The following RHOBTB3 variants were observed in gnomAD, a reference collection of about 807,000 sequenced individuals.
RHOBTB3 encodes the protein Rho related BTB domain containing 3.
A neutral mutation model predicts 67.2 loss-of-function variants in RHOBTB3; 47 were observed. The ratio of observed to expected loss-of-function variants is 0.70; its 90% confidence interval spans 0.55 to 0.89. The LOEUF (loss-of-function observed/expected upper bound fraction) is 0.89, where lower values mean the gene tolerates loss of function less well. Ranked by LOEUF, RHOBTB3 falls within the 40% of genes least tolerant of loss-of-function variation. RHOBTB3 has a pLI of 0.00. For synonymous variants in RHOBTB3, 273 were observed against 274.2 expected, an observed-to-expected ratio of 1.00 and a Z score of 0.04; for missense variants, 631 against 750.0, an observed-to-expected ratio of 0.84 and a Z score of 1.85.
At chr5:95,721,196 G>A (rs1025381180) in intron 1 of RHOBTB3, among the ~76,000 whole-genome samples, 1 of 152,242 alleles carries the variant, frequency 6.6e-6, no homozygotes, top group South Asian at 2.1e-4. Context: ...GATGGGAATA[G>A]TGGAGGCTTT....
chr5:95,719,008 T>C (rs1754777843), intron 1 of RHOBTB3, among the ~76,000 whole-genome samples: 1 of 152,014 alleles, frequency 6.6e-6, no homozygotes, highest in African/African-American at 2.4e-5. Flanking sequence ...GATTTGCCCA[T>C]GGTAAGGAGG....
chr5:95,783,700 GTTTT>G, intron 9 of RHOBTB3, 93 bp from the exon 10 acceptor site: 1 of 1,037,640 alleles, frequency 9.6e-7, no homozygotes, highest in Non-Finnish European at 1.4e-6. Flanking sequence ...CGGTCAGCAT[GTTTT>G]TTTAATTGTT....
rs181463450 is a variant in RHOBTB3 at position 95,773,528 on chromosome 5, T to C, written c.1282+5362T>C. Among the ~76,000 whole-genome samples the C allele has an allele frequency of 5.3e-5, 8 of 152,332 alleles. No individual in the cohort carries two copies. In the East Asian group the frequency reaches 9.6e-4, roughly 18 times the overall value. ...CAGTTCCAGCCTTGGCTTTGCGTCT[T>C]GACCAGTGTGTCTGTGGGCAAGTCA... On this transcript the variant is annotated intron_variant, in intron 8 of 11. Transcript: ENST00000379982.
intron 2 of RHOBTB3, among the ~76,000 whole-genome samples, chr5:95,735,117 T>C (rs1755421783): frequency 6.6e-6 from 1 of 152,216 alleles, no homozygotes. Flanking sequence ...GAATGAGCTG[T>C]GTGGTTTGGG....
intron 3 of RHOBTB3, among the ~76,000 whole-genome samples, chr5:95,738,225 C>T (rs1755500697): frequency 6.6e-6 from 1 of 152,126 alleles, no homozygotes; most frequent in African/African-American, 2.4e-5. Flanking sequence ...GCATGACCTA[C>T]CCGTGACCCC....
At position 95,793,339 on chromosome 5, in the gene RHOBTB3, G is replaced by T. The variant is rs1208350229; in HGVS notation, c.*165G>T. 2 of 498,644 alleles carry T rather than the reference G, an allele frequency of 4.0e-6. No homozygotes were observed. The highest frequency in any genetic ancestry group is 7.1e-6 in the Non-Finnish European group (2 of 283,334). 30.9% of individuals were successfully genotyped at this position (498,644 alleles called of 1,614,324 possible). Reference sequence around the variant, plus strand: ...TCTTTGGAAAAAAACTACCACTGTGGTCTTAAAAGGGAACAAAATATACCA... The same window carrying T: ...TCTTTGGAAAAAAACTACCACTGTGTTCTTAAAAGGGAACAAAATATACCA... On this transcript the variant is annotated 3_prime_UTR_variant, in exon 12 of 12. Transcript: ENST00000379982.
At position 95,793,424 on chromosome 5, in the gene RHOBTB3, T is replaced by G; in HGVS notation, c.*250T>G. The stretch of plus-strand genomic sequence containing the variant: ...AAGCTGTTTTGCAGCTGTTTTCCCT[T>G]AAAGATGTCCTGTTGCTTTAGTGAT... On this transcript the variant is annotated 3_prime_UTR_variant, in exon 12 of 12. Transcript: ENST00000379982. 1 of 311,106 alleles carries G rather than the reference T, an allele frequency of 3.2e-6. No individual in the cohort carries two copies. Among genetic ancestry groups the G allele is most frequent in the Non-Finnish European group, 5.8e-6 (1 of 171,262 alleles). 19.3% of individuals were successfully genotyped at this position (311,106 alleles called of 1,614,324 possible).
At chr5:95,790,642 C>T (rs1036845927) in intron 11 of RHOBTB3, among the ~76,000 whole-genome samples, 1 of 152,104 alleles carries the variant, frequency 6.6e-6, no homozygotes, top group South Asian at 2.1e-4. Flanking sequence ...GCCTTCTGTT[C>T]CTTTGATGGG....
intron 7 of RHOBTB3, among the ~76,000 whole-genome samples, chr5:95,764,539 A>G (rs1220840060): frequency 6.6e-6 from 1 of 152,230 alleles, no homozygotes; most frequent in South Asian, 2.1e-4. Context: ...GGCTTTAAAA[A>G]ACATTTCAAA....
At chr5:95,775,370 C>A in intron 8 of RHOBTB3, among the ~76,000 whole-genome samples, 1 of 148,678 alleles carries the variant, frequency 6.7e-6, no homozygotes, top group African/African-American at 2.5e-5. Context: ...ATTAGAGATC[C>A]TAAACTATTA....
chr5:95,786,496 G>A (rs1374168164), intron 10 of RHOBTB3, among the ~76,000 whole-genome samples: 1 of 152,126 alleles, frequency 6.6e-6, no homozygotes, highest in Non-Finnish European at 1.5e-5. Context: ...CCATCAAGGA[G>A]GACTCTTAAA....
intron 3 of RHOBTB3, among the ~76,000 whole-genome samples, chr5:95,739,937 T>C (rs1755551857): frequency 6.6e-6 from 1 of 152,214 alleles, no homozygotes; most frequent in Admixed American, 6.5e-5. Context: ...TGATAACCAC[T>C]GATAGGTTAT....
At chr5:95,740,948 A>T (rs575140321) in intron 3 of RHOBTB3, among the ~76,000 whole-genome samples, 20 of 152,332 alleles carry the variant, frequency 1.3e-4, no homozygotes, top group Non-Finnish European at 2.8e-4. Flanking sequence ...AGCATGTATC[A>T]TCTAAGAACA....
At chr5:95,730,592 C>G (rs3806895), upstream of RHOBTB3, among the ~76,000 whole-genome samples, 8,875 of 152,252 alleles carry the variant, frequency 0.058, 388 homozygotes, top group East Asian at 0.2. Context: ...ATAACGTGTA[C>G]AGAAAAATCT....
At chr5:95,786,393 T>C (rs1469032799) in intron 10 of RHOBTB3, among the ~76,000 whole-genome samples, 2 of 152,240 alleles carry the variant, frequency 1.3e-5, no homozygotes, top group African/African-American at 4.8e-5. Flanking sequence ...TCATACTTTC[T>C]TAGATAGATG....
upstream of RHOBTB3, among the ~76,000 whole-genome samples, chr5:95,728,080 A>C (rs932974108): frequency 1.3e-5 from 2 of 152,228 alleles, no homozygotes; most frequent in Admixed American, 1.3e-4. Context: ...CGTTGATGAG[A>C]ACTAATCATG....
At chr5:95,745,020 C>T (rs1371476055) in intron 3 of RHOBTB3, among the ~76,000 whole-genome samples, 1 of 151,838 alleles carries the variant, frequency 6.6e-6, no homozygotes, top group Non-Finnish European at 1.5e-5. Flanking sequence ...TTGAAGTGAG[C>T]AGAGATCATG....
At chr5:95,784,340 G>T (rs1015956529) in intron 10 of RHOBTB3, among the ~76,000 whole-genome samples, 2 of 152,172 alleles carry the variant, frequency 1.3e-5, no homozygotes, top group Non-Finnish European at 2.9e-5. Flanking sequence ...GACAGAATTG[G>T]TCCATATATA....
intron 1 of RHOBTB3, among the ~76,000 whole-genome samples, chr5:95,723,115 A>G (rs2112749619): frequency 6.6e-6 from 1 of 152,322 alleles, no homozygotes; most frequent in African/African-American, 2.4e-5. Context: ...CCTGGGCCAC[A>G]CTGGAAGAAA....
Sources: gnomAD v4.1 joint callset for allele counts (sites outside exome capture counted in the v4.1 genomes callset) on GRCh38, gnomAD v4.1.1 for gene constraint, MANE v1.5 for transcripts, NCBI Gene and HGNC (gene_info 2026-07-23, HGNC 2026-07-21) for gene names.